VEPH1: variants seen among roughly 807,000 people sequenced by gnomAD.
VEPH1 encodes ventricular zone-expressed PH domain-containing protein homolog 1.
A neutral mutation model predicts 85.2 loss-of-function variants in VEPH1; 80 were observed. The ratio of observed to expected loss-of-function variants is 0.94; its 90% CI spans 0.78 to 1.13. The LOEUF (loss-of-function observed/expected upper bound fraction) is 1.13. Ranked by LOEUF, VEPH1 falls within the 50% of genes most tolerant of loss-of-function variation. VEPH1 has a pLI of 0.00. For missense variants in VEPH1, 955 were observed against 980.5 expected (o/e 0.97, Z 0.35); for synonymous variants, 297 against 348.0 (o/e 0.85, Z 1.63).
chr3:157,416,312 T>C (rs1327853004), intron 5 of VEPH1, among the ~76,000 whole-genome samples: 1 of 152,130 alleles, frequency 6.6e-6, no homozygotes, highest in Non-Finnish European at 1.5e-5. Flanking sequence ...ATAACTAAAA[T>C]TATCCTATAT....
intron 6 of VEPH1, among the ~76,000 whole-genome samples, chr3:157,407,778 A>C (rs1731252610): frequency 6.6e-6 from 1 of 152,206 alleles, no homozygotes. Flanking sequence ...AATGCTGAGT[A>C]AAGTAATAAA....
At chr3:157,403,221 T>A (rs1307020448) in intron 6 of VEPH1, among the ~76,000 whole-genome samples, 6 of 151,974 alleles carry the variant, frequency 3.9e-5, no homozygotes, top group Admixed American at 2.6e-4. Flanking sequence ...GGGAATGCTT[T>A]CAGATCCTAC....
chr3:157,295,761 C>G (rs1211367186), intron 11 of VEPH1, among the ~76,000 whole-genome samples: 1 of 152,150 alleles, frequency 6.6e-6, no homozygotes, highest in East Asian at 1.9e-4. Context: ...TGGAGACCAG[C>G]CTGGCCAACA....
At chr3:157,380,669 T>C (rs1728659214) in intron 7 of VEPH1, among the ~76,000 whole-genome samples, 1 of 152,222 alleles carries the variant, frequency 6.6e-6, no homozygotes. Flanking sequence ...CTCTGTATTT[T>C]CCATGCCCCT....
chr3:157,434,813 C>T (rs140115076), intron 4 of VEPH1, among the ~76,000 whole-genome samples: 29 of 151,836 alleles, frequency 1.9e-4, no homozygotes, highest in African/African-American at 6.0e-4. Flanking sequence ...CCCCCTGCAC[C>T]TTCTATTCGG....
intron 13 of VEPH1, among the ~76,000 whole-genome samples, chr3:157,262,268 C>T (rs185907965): frequency 9.3e-4 from 141 of 152,200 alleles, no homozygotes; most frequent in African/African-American, 3.2e-3. Context: ...TGTAATCACT[C>T]CTCATCTATT....
In VEPH1 at chr3:157,317,132, C is replaced by T. The variant is rs145883418; in HGVS notation, c.1805G>A (p.Ser602Asn). The change falls in exon 10 of 14, where the codon AGT becomes AAT. Residue 602 changes from serine (S) to asparagine (N), a missense_variant. Coordinates refer to ENST00000362010, the MANE Select transcript of VEPH1 (RefSeq NM_001167912.2). Reference sequence around the variant, plus strand: ...GCTGATGAGAATAAAACTGGACTTACTGTATAGGCAGTAATGACCCTTCAG... The same window carrying T: ...GCTGATGAGAATAAAACTGGACTTATTGTATAGGCAGTAATGACCCTTCAG... ...CSLKGHYCLY[S>N]KSSFILISQE... 1,428 of 1,613,696 alleles carry T rather than the reference C, an allele frequency of 8.8e-4. 1 individual carries two copies. Among genetic ancestry groups the T allele is most frequent in the Middle Eastern group, 5.9e-3 (36 of 6,056 alleles).
chr3:157,485,224 A>G (rs989368765), intron 2 of VEPH1, among the ~76,000 whole-genome samples: 1 of 152,146 alleles, frequency 6.6e-6, no homozygotes, highest in African/African-American at 2.4e-5. Context: ...AAAACATTTT[A>G]AATGGATATT....
chr3:157,500,736 A>AT (rs1169763626), intron 1 of VEPH1, among the ~76,000 whole-genome samples: 2 of 152,072 alleles, frequency 1.3e-5, no homozygotes, highest in South Asian at 2.1e-4. Context: ...ATCCAGTTTT[A>AT]TTTTTTTAAA....
Position 157,261,318 on chromosome 3 carries a change from T to G in VEPH1, c.2318A>C (p.Lys773Thr). The G allele has an allele frequency of 6.2e-7, 1 of 1,613,728 alleles. No homozygotes were observed. Among genetic ancestry groups the G allele is most frequent in the Non-Finnish European group, 8.5e-7 (1 of 1,179,750 alleles). The change falls in exon 14 of 14, where the codon AAG becomes ACG. Residue 773 changes from lysine to threonine, a missense_variant. Transcript: ENST00000362010. ...GTCCCTGCGTTTCTTGGCCACAGCC[T>G]TCACACTCTGTACTTTGCTGAGTTC... is the stretch of plus-strand genomic sequence containing the variant. Reference protein sequence around the residue: ...PIELSKVQSVKAVAKKRRDRS... With the variant: ...PIELSKVQSVTAVAKKRRDRS...
chr3:157,412,005 C>CCTTGCTGCTGCTCTA (rs1731571346), intron 6 of VEPH1, among the ~76,000 whole-genome samples: 2 of 152,274 alleles, frequency 1.3e-5, no homozygotes, highest in African/African-American at 4.8e-5. Flanking sequence ...CTGCTGCTCT[C>CCTTGCTGCTGCTCTA]ATGATAGTGA....
chr3:157,439,961 A>G (rs1052208865), intron 4 of VEPH1, among the ~76,000 whole-genome samples: 14 of 152,154 alleles, frequency 9.2e-5, no homozygotes, highest in Non-Finnish European at 1.5e-4. Context: ...CGTGTTAGCC[A>G]GGATGGTCTC....
chr3:157,469,729 C>T (rs1736739671), intron 3 of VEPH1, among the ~76,000 whole-genome samples: 1 of 152,146 alleles, frequency 6.6e-6, no homozygotes, highest in Non-Finnish European at 1.5e-5. Context: ...GACCCTGTGG[C>T]TTAAGAATGT....
intron 3 of VEPH1, among the ~76,000 whole-genome samples, chr3:157,460,858 G>T (rs768426658): frequency 6.6e-6 from 1 of 152,112 alleles, no homozygotes; most frequent in East Asian, 1.9e-4. Context: ...GGAGTGGGAG[G>T]TGAGGGGAGA....
chr3:157,314,450 G>A (rs1185111632), intron 10 of VEPH1, among the ~76,000 whole-genome samples: 3 of 150,600 alleles, frequency 2.0e-5, no homozygotes, highest in Admixed American at 2.0e-4. Context: ...TATTTTCAAG[G>A]CAGTTGATAA....
rs976579732 is a variant in VEPH1, at chr3:157,437,729, C to T, written c.530-9241G>A. On this transcript the variant is annotated intron_variant, in intron 4 of 13. Transcript: ENST00000362010. The stretch of plus-strand genomic sequence containing the variant: ...CCCGCAGAGGCCAGGCTGACCAGTG[C>T]TCTGGACGAGCTGCTGCAGGCGACC... 6.6e-7 allele frequency: 1 copy of T among 1,514,014 alleles called. No homozygotes were observed. Among genetic ancestry groups the T allele is most frequent in the Non-Finnish European group, 8.8e-7 (1 of 1,138,550 alleles). The allele number at this position is 1,514,014 out of a possible 1,614,324, so 93.8% of individuals were successfully genotyped here. A position where few individuals can be genotyped will look rare whatever the true frequency, so the allele number is the denominator to read the frequency against.
intron 6 of VEPH1, among the ~76,000 whole-genome samples, chr3:157,393,383 C>A (rs1438457260): frequency 6.6e-6 from 1 of 151,896 alleles, no homozygotes; most frequent in African/African-American, 2.4e-5. Context: ...TTGTGAGGAA[C>A]AATGAAAAAA....
At chr3:157,319,151 G>A (rs925549106) in intron 9 of VEPH1, among the ~76,000 whole-genome samples, 1 of 152,158 alleles carries the variant, frequency 6.6e-6, no homozygotes, top group Non-Finnish European at 1.5e-5. Flanking sequence ...ATACAGAAAT[G>A]TTAATAATTA....
At chr3:157,320,608 A>G (rs936258383) in intron 9 of VEPH1, among the ~76,000 whole-genome samples, 5 of 152,178 alleles carry the variant, frequency 3.3e-5, no homozygotes, top group African/African-American at 1.2e-4. Flanking sequence ...AATGCTTTCC[A>G]TATTCAACCA....
Sources: gnomAD v4.1 joint callset for allele counts (sites outside exome capture counted in the v4.1 genomes callset) on GRCh38, gnomAD v4.1.1 for gene constraint, MANE v1.5 for transcripts, NCBI Gene and HGNC (gene_info 2026-07-23, HGNC 2026-07-21) for gene names.